SLC25A48: variants seen among roughly 807,000 people sequenced by gnomAD.
The protein encoded by SLC25A48 is CTC-321K16.1.
A neutral mutation model predicts 32.2 loss-of-function variants in SLC25A48; 29 were observed. The observed-to-expected ratio is 0.90, with a 90% CI of 0.67 to 1.23. The LOEUF (loss-of-function observed/expected upper bound fraction) is 1.23. Among genes scored for constraint, SLC25A48 ranks in the 50% most tolerant of loss-of-function variants. SLC25A48 has a pLI of 0.00. For missense variants in SLC25A48, 399 were observed against 422.7 expected, an observed-to-expected ratio of 0.94 and a Z score of 0.49; for synonymous variants, 164 against 172.3, an observed-to-expected ratio of 0.95 and a Z score of 0.38.
chr5:135,726,003 C>T (rs1755080164), intron 3 of SLC25A48, among the ~76,000 whole-genome samples: 1 of 152,194 alleles, frequency 6.6e-6, no homozygotes, highest in African/African-American at 2.4e-5. Flanking sequence ...TACTTATTGG[C>T]TGGTTGCTGA....
At chr5:135,680,610 T>A (rs1753872952) in intron 3 of SLC25A48, among the ~76,000 whole-genome samples, 2 of 152,204 alleles carry the variant, frequency 1.3e-5, no homozygotes, top group South Asian at 4.1e-4. Context: ...AGGCACATCT[T>A]ACATAGTGTC....
chr5:135,682,212 C>A (rs536992240), intron 3 of SLC25A48, among the ~76,000 whole-genome samples: 34 of 152,266 alleles, frequency 2.2e-4, no homozygotes, highest in African/African-American at 7.2e-4. Context: ...GTAGGGCTCA[C>A]CTTGTTAGTT....
At chr5:135,623,638 A>G (rs1752375086) in intron 1 of SLC25A48, among the ~76,000 whole-genome samples, 1 of 152,218 alleles carries the variant, frequency 6.6e-6, no homozygotes, top group African/African-American at 2.4e-5. Flanking sequence ...CCCATTGGTA[A>G]TAGTACCTTA....
chr5:135,657,626 C>A (rs965854843), intron 3 of SLC25A48, among the ~76,000 whole-genome samples: 1 of 152,180 alleles, frequency 6.6e-6, no homozygotes, highest in Non-Finnish European at 1.5e-5. Context: ...CCTCATTTTG[C>A]AGAGTTCCCT....
chr5:135,728,255 C>CAA (rs10578008), intron 3 of SLC25A48, among the ~76,000 whole-genome samples: 2 of 131,290 alleles, frequency 1.5e-5, no homozygotes, highest in East Asian at 2.1e-4. Context: ...GACTCTGTCT[C>CAA]AAAAAAAAAA....
intron 1 of SLC25A48, among the ~76,000 whole-genome samples, chr5:135,836,248 C>T (rs1758494930): frequency 6.6e-6 from 1 of 152,140 alleles, no homozygotes; most frequent in African/African-American, 2.4e-5. Context: ...CCCTCCCCGA[C>T]TCACAGCAAG....
chr5:135,666,797 C>A (rs1289943120), intron 3 of SLC25A48, among the ~76,000 whole-genome samples: 1 of 152,088 alleles, frequency 6.6e-6, no homozygotes, highest in Non-Finnish European at 1.5e-5. Flanking sequence ...AAGCTATTTT[C>A]CTATCCCTAC....
chr5:135,635,261 A>T (rs2126911142), intron 3 of SLC25A48, among the ~76,000 whole-genome samples: 1 of 152,254 alleles, frequency 6.6e-6, no homozygotes, highest in South Asian at 2.1e-4. Context: ...TCATCTCAAG[A>T]CATCTGCCAG....
rs147005349 is a variant in SLC25A48 at position 135,886,588 on chromosome 5, AATATATATATATATATATATAT to A, written c.*8-1416_*8-1395del. Among the ~76,000 whole-genome samples the A allele has an allele frequency of 5.6e-4, 20 of 35,446 alleles. No individual in the cohort carries two copies. The East Asian group carries it at 0.016, about 28-fold the overall frequency. The allele number at this position is 35,446 out of a possible 152,430, so 23.3% of individuals were successfully genotyped here. On this transcript the variant is annotated intron_variant, in intron 7 of 7. Coordinates refer to ENST00000681962, the MANE Select transcript of SLC25A48 (RefSeq NM_001349336.2). ...AACACATTATGGTTCTATTTAACCA[AATATATATATATATATATATAT>A]ATATATATATATATATATATATATA... is the stretch of plus-strand genomic sequence containing the variant.
intron 3 of SLC25A48, among the ~76,000 whole-genome samples, chr5:135,661,647 C>T (rs935078297): frequency 3.3e-5 from 5 of 152,214 alleles, no homozygotes; most frequent in African/African-American, 1.2e-4. Context: ...CCACTATCAA[C>T]TGACTGGTGT....
chr5:135,733,331 G>A (rs1755277289), intron 3 of SLC25A48, among the ~76,000 whole-genome samples: 1 of 152,196 alleles, frequency 6.6e-6, no homozygotes, highest in African/African-American at 2.4e-5. Flanking sequence ...GGGAAATGGG[G>A]TGAACGTCAG....
chr5:135,724,190 T>C (rs1166368887), intron 3 of SLC25A48, among the ~76,000 whole-genome samples: 1 of 152,246 alleles, frequency 6.6e-6, no homozygotes, highest in Non-Finnish European at 1.5e-5. Context: ...TTATTGAGCG[T>C]TTTCCCTGTG....
intron 1 of SLC25A48, among the ~76,000 whole-genome samples, chr5:135,835,939 G>T (rs1349893674): frequency 6.6e-6 from 1 of 152,162 alleles, no homozygotes; most frequent in African/African-American, 2.4e-5. Context: ...AAGTCTGTTG[G>T]CACAGATGCC....
Position 135,871,580 on chromosome 5 carries a change from G to A in SLC25A48, c.541G>A (p.Ala181Thr). 1 of 1,614,196 alleles carries A rather than the reference G, an allele frequency of 6.2e-7. No individual in the cohort carries two copies. The change falls in exon 5 of 8, where the codon GCC (alanine) becomes ACC (threonine). Residue 181 changes from alanine to threonine, a missense_variant. Ala to Thr is a moderately conservative substitution (Grantham distance 58). Coordinates refer to ENST00000681962, the MANE Select transcript of SLC25A48 (RefSeq NM_001349336.2). ...NEGLAGLYRG[A>T]SAMLLRDVPG... ...GGGCCTGGCGGGGCTATACCGGGGG[G>A]CCAGTGCCATGCTGCTGAGGGATGT...
chr5:135,712,150 C>T (rs1302877973), intron 3 of SLC25A48, among the ~76,000 whole-genome samples: 1 of 152,150 alleles, frequency 6.6e-6, no homozygotes, highest in African/African-American at 2.4e-5. Flanking sequence ...CCAGGCACAC[C>T]CTACTGTTTT....
At chr5:135,602,423 G>A (rs1449961720) in intron 1 of SLC25A48, among the ~76,000 whole-genome samples, 3 of 152,134 alleles carry the variant, frequency 2.0e-5, no homozygotes, top group East Asian at 3.9e-4. Context: ...CCATAAATGG[G>A]CTTATGTACA....
rs79343698 is a variant in SLC25A48 at position 135,632,918 on chromosome 5, G to A, written c.-708-1851G>A. Among the ~76,000 whole-genome samples the A allele has an allele frequency of 1.1e-4, 16 of 152,302 alleles. No individual in the cohort carries two copies. In the East Asian group the frequency reaches 2.7e-3, roughly 26 times the overall value. On this transcript the variant is annotated intron_variant, in intron 2 of 10. Transcript: ENST00000646290. ...GCTTCAATAGCGTCTATTTTGAGCT[G>A]AGTTCTTTCTGAAGCTCCGGCAGGG...
At chr5:135,659,363 G>C (rs1753332269) in intron 3 of SLC25A48, among the ~76,000 whole-genome samples, 1 of 152,156 alleles carries the variant, frequency 6.6e-6, no homozygotes, top group Non-Finnish European at 1.5e-5. Context: ...CTTTACTCCA[G>C]TTCCTAATAA....
intron 3 of SLC25A48, among the ~76,000 whole-genome samples, chr5:135,666,499 C>A (rs1007329764): frequency 6.6e-6 from 1 of 152,146 alleles, no homozygotes; most frequent in African/African-American, 2.4e-5. Context: ...CATCCTTCTG[C>A]TCCTCGATGT....
Sources: allele counts gnomAD v4.1 joint callset (sites outside exome capture counted in the v4.1 genomes callset), GRCh38; gene constraint gnomAD v4.1.1; transcripts MANE v1.5; gene names NCBI Gene and HGNC (gene_info 2026-07-23, HGNC 2026-07-21).